The following NOL10 variants were observed in gnomAD, a reference collection of about 807,000 sequenced individuals.
NOL10 encodes the protein nucleolar protein 10.
A neutral mutation model predicts 103.5 loss-of-function variants in NOL10; 58 were observed. That is an observed-to-expected ratio of 0.56 (90% CI 0.45 to 0.70). The LOEUF is 0.70. Among genes scored for constraint, NOL10 ranks in the 30% least tolerant of loss-of-function variants. The pLI is 0.00. For missense variants in NOL10, 763 were observed against 807.3 expected (o/e 0.95, Z 0.67); for synonymous variants, 287 against 282.5 (o/e 1.02, Z -0.16).
At position 10,589,700 on chromosome 2, in the gene NOL10, G is replaced by T; in HGVS notation, c.1474C>A (p.Pro492Thr). 1 of 1,580,656 alleles carries T rather than the reference G, an allele frequency of 6.3e-7. No homozygotes were observed. The highest frequency in any genetic ancestry group is 1.2e-5 in the South Asian group (1 of 83,098). Residue 492 changes from proline (P) to threonine (T), a missense_variant, in exon 18 of 21, where the codon CCT (proline) becomes ACT (threonine). By Grantham distance (38) the Pro-to-Thr change is conservative (BLOSUM62 -1). Transcript: ENST00000381685. ...DDRFKVMFEN[P>T]DFQVDEESEE... is the part of the protein sequence containing the mutation. Reference sequence around the variant, plus strand: ...CTCTCTTCATCTACTTGGAAGTCAGGGTTCTCAAACATAACTTTAAATCGA... The same window carrying T: ...CTCTCTTCATCTACTTGGAAGTCAGTGTTCTCAAACATAACTTTAAATCGA...
chr2:10,611,839 C>A (rs113612831), intron 13 of NOL10, among the ~76,000 whole-genome samples: 1 of 152,122 alleles, frequency 6.6e-6, no homozygotes, highest in Non-Finnish European at 1.5e-5. Context: ...CGCTTGAACC[C>A]GGGAGGTGGA....
intron 13 of NOL10, among the ~76,000 whole-genome samples, chr2:10,627,796 A>G (rs935785751): frequency 5.3e-5 from 8 of 152,172 alleles, no homozygotes; most frequent in African/African-American, 1.9e-4. Context: ...TACTATGCTC[A>G]CTTCCAGGGT....
intron 13 of NOL10, among the ~76,000 whole-genome samples, chr2:10,626,709 G>A (rs1055644515): frequency 6.6e-6 from 1 of 151,892 alleles, no homozygotes; most frequent in Non-Finnish European, 1.5e-5. Flanking sequence ...CCGGAACCAG[G>A]AGACAAGGCC....
chr2:10,631,203 T>C (rs914119781), intron 13 of NOL10, among the ~76,000 whole-genome samples: 1 of 152,212 alleles, frequency 6.6e-6, no homozygotes, highest in Non-Finnish European at 1.5e-5. Flanking sequence ...AGAATATCAA[T>C]TTAGTAAACA....
At chr2:10,574,292 C>G (rs1057066326) in intron 20 of NOL10, among the ~76,000 whole-genome samples, 1 of 151,972 alleles carries the variant, frequency 6.6e-6, no homozygotes, top group African/African-American at 2.4e-5. Flanking sequence ...GTAAAGTGAA[C>G]CAACACCAGT....
intron 6 of NOL10, among the ~76,000 whole-genome samples, chr2:10,670,757 AAAC>A (rs956927997): frequency 6.6e-6 from 1 of 152,102 alleles, no homozygotes; most frequent in Non-Finnish European, 1.5e-5. Context: ...TGAAACAAAC[AAAC>A]AAAAAAAACA....
At position 10,668,607 on chromosome 2, in the gene NOL10, G is replaced by T. The variant is rs180847957; in HGVS notation, c.530+51C>A. The T allele has an allele frequency of 6.4e-5, 60 of 939,224 alleles. No individual in the cohort carries two copies. The African/African-American group carries it at 8.5e-4, about 13-fold the overall frequency. 58.2% of individuals were successfully genotyped at this position (939,224 alleles called of 1,614,324 possible). The stretch of plus-strand genomic sequence containing the variant: ...TACTTGTTAACAAACTGAGCATCTG[G>T]CTCCACCTCCTGGTCAAAATGTATA... On this transcript the variant is annotated intron_variant, in intron 7 of 20. Transcript: ENST00000381685.
chr2:10,599,874 G>A (rs1675885114), intron 17 of NOL10, among the ~76,000 whole-genome samples: 1 of 152,078 alleles, frequency 6.6e-6, no homozygotes, highest in African/African-American at 2.4e-5. Flanking sequence ...AGTGTGCCAA[G>A]AGCTAGGAAC....
At chr2:10,668,563 T>G in intron 7 of NOL10, 95 bp downstream of exon 7, 1 of 512,960 alleles carries the variant, frequency 1.9e-6, no homozygotes, top group African/African-American at 2.0e-5. Flanking sequence ...GAGTTTTGCT[T>G]AATTGCAATA....
At chr2:10,647,055 CT>C (rs370650595) in intron 12 of NOL10, among the ~76,000 whole-genome samples, 140 of 152,208 alleles carry the variant, frequency 9.2e-4, no homozygotes, top group African/African-American at 3.3e-3. Flanking sequence ...GCATTGAGGA[CT>C]TTTTTCCTTT....
intron 13 of NOL10, among the ~76,000 whole-genome samples, chr2:10,623,855 A>G (rs1677286764): frequency 1.3e-5 from 2 of 152,380 alleles, no homozygotes; most frequent in Non-Finnish European, 2.9e-5. Flanking sequence ...ATACGCTATA[A>G]ATCGATTAGA....
At chr2:10,681,389 T>G (rs1225354910) in intron 3 of NOL10, among the ~76,000 whole-genome samples, 1 of 152,146 alleles carries the variant, frequency 6.6e-6, no homozygotes, top group African/African-American at 2.4e-5. Context: ...AGTGTATGAC[T>G]ACATTTATAT....
chr2:10,679,856 T>C (rs540803391), intron 3 of NOL10, among the ~76,000 whole-genome samples: 9 of 152,142 alleles, frequency 5.9e-5, no homozygotes, highest in African/African-American at 1.9e-4. Context: ...CCTGGCCTCA[T>C]GCAATCTGAC....
intron 1 of NOL10, among the ~76,000 whole-genome samples, chr2:10,687,763 G>A (rs560079080): frequency 6.6e-6 from 1 of 152,176 alleles, no homozygotes; most frequent in South Asian, 2.1e-4. Context: ...AGACCATACC[G>A]GCCAACATAG....
chr2:10,582,160 A>C (rs1282087657), intron 19 of NOL10, among the ~76,000 whole-genome samples: 1 of 152,266 alleles, frequency 6.6e-6, no homozygotes, highest in Admixed American at 6.5e-5. Context: ...GCATTACCTC[A>C]GCTCTTATCC....
chr2:10,653,517 G>A (rs1408456244), intron 12 of NOL10, among the ~76,000 whole-genome samples: 2 of 152,090 alleles, frequency 1.3e-5, no homozygotes, highest in Admixed American at 6.6e-5. Context: ...AAGCACAGTC[G>A]GAACAAGTCC....
chr2:10,650,304 G>C (rs1171789263), intron 12 of NOL10, among the ~76,000 whole-genome samples: 1 of 56,152 alleles, frequency 1.8e-5, no homozygotes, highest in Non-Finnish European at 6.7e-5. Flanking sequence ...GGGACTACAG[G>C]CGCACAGTGC....
chr2:10,657,727 A>G lies in NOL10; in HGVS notation c.906+15T>C. 6.5e-7 allele frequency: 1 copy of G among 1,544,510 alleles called. No individual in the cohort carries two copies. Among genetic ancestry groups the G allele is most frequent in the Non-Finnish European group, 8.7e-7 (1 of 1,143,538 alleles). The stretch of plus-strand genomic sequence containing the variant: ...GCAAATAAAGAAGCAAGTAATTTCA[A>G]CCAAAAATACATACGGAGTTCTTAT... On this transcript the variant is annotated intron_variant, in intron 11 of 20. Coordinates refer to ENST00000381685, the MANE Select transcript of NOL10 (RefSeq NM_024894.4).
intron 7 of NOL10, among the ~76,000 whole-genome samples, chr2:10,667,616 C>T: frequency 6.6e-6 from 1 of 152,190 alleles, no homozygotes; most frequent in East Asian, 1.9e-4. Flanking sequence ...CTTAAAAGAA[C>T]ACACGCTATC....
Sources: gnomAD v4.1 joint callset for allele counts (sites outside exome capture counted in the v4.1 genomes callset) on GRCh38, gnomAD v4.1.1 for gene constraint, MANE v1.5 for transcripts, NCBI Gene and HGNC (gene_info 2026-07-23, HGNC 2026-07-21) for gene names.